CENPU: variants seen among roughly 807,000 people sequenced by gnomAD.
CENPU encodes the protein centromere protein U, also known as KSHV latent nuclear antigen interacting protein 1.
In CENPU, 46 loss-of-function variants were observed where a neutral mutation model predicts 56.7. The observed-to-expected ratio is 0.81, with a 90% CI of 0.64 to 1.04. CENPU has a LOEUF of 1.04. Ranked by LOEUF, CENPU falls within the 50% of genes least tolerant of loss-of-function variation. CENPU has a pLI of 0.00. For missense variants in CENPU, 510 were observed against 490.1 expected, an observed-to-expected ratio of 1.04 and a Z score of -0.38; for synonymous variants, 166 against 163.0, an observed-to-expected ratio of 1.02 and a Z score of -0.14.
At chr4:184,696,254 G>A (rs1332566695) in intron 12 of CENPU, among the ~76,000 whole-genome samples, 1 of 152,136 alleles carries the variant, frequency 6.6e-6, no homozygotes, top group Non-Finnish European at 1.5e-5. Flanking sequence ...AGGAATAAAG[G>A]GGAAGAAGTC....
chr4:184,726,674 C>T (rs1447326428), intron 3 of CENPU, among the ~76,000 whole-genome samples: 1 of 152,160 alleles, frequency 6.6e-6, no homozygotes, highest in Non-Finnish European at 1.5e-5. Flanking sequence ...TATTGATACA[C>T]TCATGTTAGT....
At chr4:184,702,686 G>A (rs1760576978) in intron 8 of CENPU, among the ~76,000 whole-genome samples, 1 of 152,166 alleles carries the variant, frequency 6.6e-6, no homozygotes, top group Non-Finnish European at 1.5e-5. Flanking sequence ...AGCGAGCATA[G>A]TAGCAAACAG....
At chr4:184,709,962 C>A in intron 8 of CENPU, 110 bp downstream of exon 8, 2 of 438,570 alleles carry the variant, frequency 4.6e-6, no homozygotes, top group South Asian at 8.7e-5. Flanking sequence ...GTAAAAATAT[C>A]TAAAACAATG....
chr4:184,731,325 C>T (rs923741414), intron 1 of CENPU, among the ~76,000 whole-genome samples: 2 of 152,174 alleles, frequency 1.3e-5, no homozygotes, highest in Non-Finnish European at 2.9e-5. Context: ...TCATTTAATT[C>T]TAACAGTCCT....
chr4:184,702,487 AAAGG>A, intron 8 of CENPU, 46 bp from the exon 9 acceptor site: 1 of 1,428,440 alleles, frequency 7.0e-7, no homozygotes, highest in Non-Finnish European at 9.7e-7. Context: ...ATGGATTTTG[AAAGG>A]TGTTTCATTT....
rs1759915223 is a variant in CENPU, at chr4:184,694,270, A to G, written c.*1018T>C. The G allele has an allele frequency of 3.3e-6, 4 of 1,208,280 alleles. No homozygotes were observed. Among genetic ancestry groups the G allele is most frequent in the Admixed American group, 3.8e-5 (1 of 26,106 alleles). The allele number at this position is 1,208,280 out of a possible 1,614,324, so 74.8% of individuals were successfully genotyped here. A position where few individuals can be genotyped will look rare whatever the true frequency, so the allele number is the denominator to read the frequency against. ...CTTGCTCTTCCGTCGGGGAGTATTG[A>G]AAAGTATGTGCACAGAACTGTAGGT... is the stretch of plus-strand genomic sequence containing the variant. On this transcript the variant is annotated 3_prime_UTR_variant, in exon 13 of 13. Transcript: ENST00000281453.
chr4:184,730,483 A>C (rs1761600052), intron 2 of CENPU, among the ~76,000 whole-genome samples: 1 of 143,010 alleles, frequency 7.0e-6, no homozygotes, highest in African/African-American at 2.5e-5. Flanking sequence ...GGAAAAAAAA[A>C]CTGGAATTAG....
At chr4:184,727,444 C>G (rs908797488) in intron 3 of CENPU, among the ~76,000 whole-genome samples, 9 of 152,082 alleles carry the variant, frequency 5.9e-5, no homozygotes, top group South Asian at 4.1e-4. Flanking sequence ...TATATTTTAC[C>G]ACCCATACCC....
chr4:184,699,673 T>C, intron 11 of CENPU: 1 of 1,222,732 alleles, frequency 8.2e-7, no homozygotes, highest in Non-Finnish European at 1.1e-6. Context: ...TCTCTCTTTT[T>C]TTTTTGAGAC....
intron 11 of CENPU, among the ~76,000 whole-genome samples, chr4:184,699,238 G>A (rs1760446343): frequency 6.6e-6 from 1 of 152,112 alleles, no homozygotes; most frequent in Non-Finnish European, 1.5e-5. Context: ...GATGAGGCAG[G>A]AGAATAGCGC....
intron 6 of CENPU, among the ~76,000 whole-genome samples, chr4:184,714,949 C>A (rs1484626440): frequency 6.6e-6 from 1 of 152,176 alleles, no homozygotes; most frequent in Non-Finnish European, 1.5e-5. Context: ...TCTGAATCAA[C>A]TTGACCTCAA....
At chr4:184,699,960 C>G (rs1046788931) in intron 11 of CENPU, among the ~76,000 whole-genome samples, 4 of 152,192 alleles carry the variant, frequency 2.6e-5, no homozygotes, top group Non-Finnish European at 4.4e-5. Context: ...CCCGGCCTAG[C>G]AGCCTCTTTT....
At chr4:184,726,492 G>C (rs1761455892) in intron 3 of CENPU, among the ~76,000 whole-genome samples, 2 of 152,134 alleles carry the variant, frequency 1.3e-5, no homozygotes, top group African/African-American at 2.4e-5. Flanking sequence ...CAAACACCCA[G>C]AAAATAGCAA....
intron 4 of CENPU, 27 bp from the exon 5 acceptor site, chr4:184,717,223 C>G: frequency 6.4e-7 from 1 of 1,553,014 alleles, no homozygotes. Flanking sequence ...CCATCAATAT[C>G]TTGTACACAT....
Position 184,697,669 on chromosome 4 carries a change from T to C in CENPU, c.1121A>G (p.Gln374Arg), listed in dbSNP as rs763020459. The C allele has an allele frequency of 2.5e-6, 4 of 1,613,206 alleles. No individual in the cohort carries two copies. The highest frequency in any genetic ancestry group is 1.7e-4 in the Middle Eastern group (1 of 6,054). Residue 374 changes from glutamine to arginine, a missense_variant, in exon 12 of 13, where the codon CAA becomes CGA. Transcript: ENST00000281453. ...LYQDYSDVQA[Q>R]EPNVKETYDS... ...TACCGTTTCCTTTACGTTTGGTTCT[T>C]GAGCTTGAACATCTGAATAATCTTG... is the stretch of plus-strand genomic sequence containing the variant.
At chr4:184,733,256 CCT>C (rs1050895424) in intron 1 of CENPU, 5 of 956,820 alleles carry the variant, frequency 5.2e-6, no homozygotes, top group Admixed American at 6.2e-5. Context: ...CCTGCGGTGT[CCT>C]GCTCCAGCTT....
chr4:184,731,609 T>C (rs1030755259), intron 1 of CENPU, among the ~76,000 whole-genome samples: 3 of 152,288 alleles, frequency 2.0e-5, no homozygotes, highest in South Asian at 2.1e-4. Context: ...TTACTAATAA[T>C]AGTGCCAGCA....
intron 8 of CENPU, among the ~76,000 whole-genome samples, chr4:184,706,333 C>G (rs1426662486): frequency 2.0e-5 from 3 of 152,092 alleles, no homozygotes; most frequent in Non-Finnish European, 2.9e-5. Flanking sequence ...GTGACACCCC[C>G]CATCTAAAGA....
At chr4:184,712,899 T>C (rs1053866568) in intron 7 of CENPU, 45 bp downstream of exon 7, 33 of 1,292,224 alleles carry the variant, frequency 2.6e-5, no homozygotes, top group Non-Finnish European at 3.5e-5. Context: ...ATTTCTCTTA[T>C]GAAATTCCTG....
Sources: gnomAD v4.1 joint callset for allele counts (sites outside exome capture counted in the v4.1 genomes callset) on GRCh38, gnomAD v4.1.1 for gene constraint, MANE v1.5 for transcripts, NCBI Gene and HGNC (gene_info 2026-07-23, HGNC 2026-07-21) for gene names.